The following FHL2 variants were observed in gnomAD, a reference collection of about 807,000 sequenced individuals.
The protein encoded by FHL2 is four and a half LIM domains protein 2.
Under a neutral mutation model 32.7 loss-of-function variants are expected in FHL2, and 20 were observed. That is an observed-to-expected ratio of 0.61 (90% confidence interval 0.43 to 0.89). FHL2 has a LOEUF of 0.89. Ranked by LOEUF, FHL2 falls within the 40% of genes least tolerant of loss-of-function variation. FHL2 has a pLI of 0.00. For missense variants in FHL2, 311 were observed against 358.6 expected, an observed-to-expected ratio of 0.87 and a Z score of 1.07; for synonymous variants, 123 against 128.1, an observed-to-expected ratio of 0.96 and a Z score of 0.27.
intron 5 of FHL2, among the ~76,000 whole-genome samples, chr2:105,364,005 T>G (rs1432497922): frequency 6.6e-6 from 1 of 152,090 alleles, no homozygotes; most frequent in African/African-American, 2.4e-5. Context: ...ACCTGTAATC[T>G]CAGGACTTTG....
intron 2 of FHL2, among the ~76,000 whole-genome samples, chr2:105,391,071 G>C (rs1682697276): frequency 6.6e-6 from 1 of 151,818 alleles, no homozygotes; most frequent in African/African-American, 2.4e-5. Context: ...GACCTCAGGT[G>C]ATCCGCCTGC....
rs762071556 is a variant in FHL2 at position 105,397,420 on chromosome 2, G to C, written c.-75-723C>G. ...ACATCATTGTCCCTGTTTCCCAGTGGAGAAAACCGAGACACTACGAGATTA... is the reference window on the plus strand; with the variant it reads ...ACATCATTGTCCCTGTTTCCCAGTGCAGAAAACCGAGACACTACGAGATTA... On this transcript the variant is annotated intron_variant, in intron 1 of 6. Coordinates refer to ENST00000530340, the MANE Select transcript of FHL2 (RefSeq NM_001318895.3). Among the ~76,000 whole-genome samples, 3 of 152,086 alleles carry C rather than the reference G, an allele frequency of 2.0e-5. No individual in the cohort carries two copies. In the East Asian group the frequency reaches 5.8e-4, roughly 29 times the overall value.
intron 4 of FHL2, among the ~76,000 whole-genome samples, chr2:105,370,398 G>A (rs1026059614): frequency 1.3e-5 from 2 of 152,018 alleles, no homozygotes; most frequent in African/African-American, 4.8e-5. Context: ...GTCAAATGAG[G>A]AGCCAGAAAT....
rs575588140 is a variant in FHL2, at chr2:105,399,025, T to C, written c.-259A>G. Reference sequence around the variant, plus strand: ...GGGGCTGGAGGGCGCGGGCGGCTGGTGGCTGCGGCTCCGCTGCCGGCCGAG... The same window carrying C: ...GGGGCTGGAGGGCGCGGGCGGCTGGCGGCTGCGGCTCCGCTGCCGGCCGAG... On this transcript the variant is annotated 5_prime_UTR_variant, in exon 1 of 7. Coordinates refer to ENST00000530340, the MANE Select transcript of FHL2 (RefSeq NM_001318895.3). 1.9e-3 allele frequency: 2,846 copies of C among 1,494,620 alleles called. 3 individuals carry two copies. Among genetic ancestry groups the C allele is most frequent in the Non-Finnish European group, 2.3e-3 (2,611 of 1,125,096 alleles). 92.6% of individuals were successfully genotyped at this position (1,494,620 alleles called of 1,614,324 possible).
At chr2:105,388,108 G>A (rs116031667) in intron 2 of FHL2, among the ~76,000 whole-genome samples, 2,773 of 152,198 alleles carry the variant, frequency 0.018, 80 homozygotes, top group African/African-American at 0.063. Flanking sequence ...CTACTTGAGC[G>A]GGGAGGGAGG....
At chr2:105,366,873 G>A (rs925047707) in intron 5 of FHL2, among the ~76,000 whole-genome samples, 1 of 152,196 alleles carries the variant, frequency 6.6e-6, no homozygotes, top group African/African-American at 2.4e-5. Context: ...AGTCTCCTGA[G>A]TAGCTGGGAC....
At chr2:105,361,535 G>T in intron 6 of FHL2, 101 bp from the exon 7 acceptor site, 3 of 1,010,208 alleles carry the variant, frequency 3.0e-6, no homozygotes, top group Non-Finnish European at 4.4e-6. Context: ...AGTTTGGATT[G>T]TGTAATATGG....
At position 105,398,955 on chromosome 2, in the gene FHL2, G is replaced by C. The variant is rs76810592; in HGVS notation, c.-189C>G. On this transcript the variant is annotated 5_prime_UTR_variant, in exon 1 of 7. Coordinates refer to ENST00000530340, the MANE Select transcript of FHL2 (RefSeq NM_001318895.3). ...TCGGCCTCCCTCCGGGGCGCAGGGG[G>C]TTGGAGGTACTCACGGCACCGCAGC... The C allele has an allele frequency of 0.063, 95,891 of 1,532,614 alleles. 3,160 individuals are homozygous for C. Among genetic ancestry groups the C allele is most frequent in the Admixed American group, 0.096 (4,638 of 48,108 alleles). 94.9% of individuals were successfully genotyped at this position (1,532,614 alleles called of 1,614,324 possible).
At chr2:105,427,866 T>C (rs1444144140) in intron 1 of FHL2, among the ~76,000 whole-genome samples, 1 of 152,086 alleles carries the variant, frequency 6.6e-6, no homozygotes. Context: ...CACATACTTA[T>C]TAAAAGTGCT....
At chr2:105,389,165 C>T (rs78356553) in intron 2 of FHL2, among the ~76,000 whole-genome samples, 6 of 152,326 alleles carry the variant, frequency 3.9e-5, no homozygotes, top group African/African-American at 1.4e-4. Flanking sequence ...CCTTCTAAAT[C>T]ACTCTTCCTG....
intron 3 of FHL2, chr2:105,378,225 C>T (rs1681617953): frequency 2.1e-6 from 1 of 468,980 alleles, no homozygotes; most frequent in Admixed American, 2.4e-5. Context: ...GCAATAGCTA[C>T]AGTTTAAGAC....
At chr2:105,405,312 T>C (rs1361120517) in intron 1 of FHL2, among the ~76,000 whole-genome samples, 3 of 152,232 alleles carry the variant, frequency 2.0e-5, no homozygotes, top group Non-Finnish European at 4.4e-5. Context: ...AAATTCTCTT[T>C]TGAGTGAACG....
At chr2:105,437,158 T>C (rs1684637500) in intron 1 of FHL2, among the ~76,000 whole-genome samples, 1 of 152,200 alleles carries the variant, frequency 6.6e-6, no homozygotes, top group African/African-American at 2.4e-5. Flanking sequence ...TATGCAACTT[T>C]TCATGGAAGT....
At chr2:105,365,804 C>G (rs1680590695) in intron 5 of FHL2, among the ~76,000 whole-genome samples, 1 of 151,650 alleles carries the variant, frequency 6.6e-6, no homozygotes, top group Admixed American at 6.6e-5. Context: ...GAGATCATGC[C>G]ACTGTACTAC....
intron 1 of FHL2, among the ~76,000 whole-genome samples, chr2:105,406,552 A>C (rs551714774): frequency 2.6e-5 from 4 of 151,366 alleles, no homozygotes; most frequent in African/African-American, 9.7e-5. Context: ...CATTGCTAAC[A>C]CTTTCTGGAC....
chr2:105,426,371 C>T (rs1021814897), intron 1 of FHL2, among the ~76,000 whole-genome samples: 8 of 152,188 alleles, frequency 5.3e-5, no homozygotes, highest in African/African-American at 1.9e-4. Flanking sequence ...TAACCAGGCT[C>T]CATAATTCAA....
intron 3 of FHL2, among the ~76,000 whole-genome samples, chr2:105,380,319 T>C (rs962101037): frequency 6.6e-6 from 1 of 152,214 alleles, no homozygotes; most frequent in African/African-American, 2.4e-5. Flanking sequence ...TATCACACTC[T>C]GAATCTTTAC....
At chr2:105,419,560 G>A (rs890892494) in intron 1 of FHL2, among the ~76,000 whole-genome samples, 1 of 152,212 alleles carries the variant, frequency 6.6e-6, no homozygotes, top group Non-Finnish European at 1.5e-5. Flanking sequence ...CACCAAGACA[G>A]GTCTGCACAA....
chr2:105,397,696 C>G (rs1683234240), intron 1 of FHL2, among the ~76,000 whole-genome samples: 1 of 152,146 alleles, frequency 6.6e-6, no homozygotes, highest in Non-Finnish European at 1.5e-5. Flanking sequence ...ACCGTGGAAA[C>G]ACAATTCTGT....
Sources: allele counts gnomAD v4.1 joint callset (sites outside exome capture counted in the v4.1 genomes callset), GRCh38; gene constraint gnomAD v4.1.1; transcripts MANE v1.5; gene names NCBI Gene and HGNC (gene_info 2026-07-23, HGNC 2026-07-21).